The following NEURL1 variants were observed in gnomAD, a reference collection of about 807,000 sequenced individuals.
NEURL1 encodes the protein neuralized E3 ubiquitin protein ligase 1, also known as E3 ubiquitin-protein ligase NEURL1.
A neutral mutation model predicts 41.2 loss-of-function variants in NEURL1; 26 were observed. That is an observed-to-expected ratio of 0.63 (90% CI 0.46 to 0.87). The LOEUF is 0.87. Among genes scored for constraint, NEURL1 ranks in the 40% least tolerant of loss-of-function variants. The pLI, the probability that NEURL1 is intolerant of heterozygous loss-of-function variation, is 0.00. For synonymous variants in NEURL1, 400 were observed against 402.3 expected, an observed-to-expected ratio of 0.99 and a Z score of 0.07; for missense variants, 761 against 871.1, an observed-to-expected ratio of 0.87 and a Z score of 1.59.
At chr10:103,555,838 C>A (rs1356779850) in intron 1 of NEURL1, among the ~76,000 whole-genome samples, 1 of 152,214 alleles carries the variant, frequency 6.6e-6, no homozygotes, top group East Asian at 1.9e-4. Flanking sequence ...GCTGAGGGGA[C>A]CTGCTTGTCG....
At chr10:103,524,221 T>C (rs964859316) in intron 1 of NEURL1, among the ~76,000 whole-genome samples, 1 of 152,114 alleles carries the variant, frequency 6.6e-6, no homozygotes, top group Non-Finnish European at 1.5e-5. Context: ...TATATACTTG[T>C]TGGTTTTGTC....
Position 103,493,736 on chromosome 10 carries a change from T to C in NEURL1, c.-652T>C, listed in dbSNP as rs1190065225. On this transcript the variant is annotated 5_prime_UTR_variant, in exon 1 of 6. Transcript: ENST00000369780. ...TCATTCACCGGCGCAGCTGTCACCA[T>C]AACAACCGGAGCGAGGGAATCCTGG... Among the ~76,000 whole-genome samples the C allele has an allele frequency of 6.6e-6, 1 of 150,984 alleles. No individual in the cohort carries two copies. Among genetic ancestry groups the C allele is most frequent in the Non-Finnish European group, 1.5e-5 (1 of 67,568 alleles).
At chr10:103,517,810 G>A (rs1334055192) in intron 1 of NEURL1, among the ~76,000 whole-genome samples, 2 of 152,214 alleles carry the variant, frequency 1.3e-5, no homozygotes, top group Non-Finnish European at 2.9e-5. Context: ...TGGGCTCTGA[G>A]CCTTGCCCAG....
chr10:103,519,969 G>A (rs1034815973), intron 1 of NEURL1, among the ~76,000 whole-genome samples: 2 of 151,810 alleles, frequency 1.3e-5, no homozygotes, highest in African/African-American at 4.8e-5. Flanking sequence ...ATTTTTTTTA[G>A]AGATGGGTCT....
At chr10:103,533,316 G>A (rs1446336852) in intron 1 of NEURL1, among the ~76,000 whole-genome samples, 5 of 150,486 alleles carry the variant, frequency 3.3e-5, no homozygotes, top group African/African-American at 1.2e-4. Context: ...TGACTTTTTT[G>A]TTCTTATTTA....
chr10:103,583,691 G>A (rs1202870832), intron 3 of NEURL1, among the ~76,000 whole-genome samples: 4 of 93,050 alleles, frequency 4.3e-5, no homozygotes, highest in African/African-American at 1.8e-4. Flanking sequence ...GGGCCACAGA[G>A]CAAGATCCTG....
intron 1 of NEURL1, among the ~76,000 whole-genome samples, chr10:103,534,180 A>AT (rs35899711): frequency 0.58 from 79,955 of 138,478 alleles, 23,230 homozygotes; most frequent in East Asian, 0.8. Context: ...GTCTATCTGT[A>AT]TTTTTTTTTT....
chr10:103,558,389 C>T lies in NEURL1; in HGVS notation c.86-12483C>T, dbSNP rs944242381. On this transcript the variant is annotated intron_variant, in intron 1 of 5. Transcript: ENST00000369780. This position sits in a 1 kb window ranked among gnomAD's most constrained non-coding sequence, Gnocchi z 4.2. ...AGATGTGTATCTGTGTTTTAGATCT[C>T]TGTGTACCTGTGTGATGTGTCTCTA... is the stretch of plus-strand genomic sequence containing the variant. The T allele has an allele frequency of 6.5e-6, 2 of 306,586 alleles. No homozygotes were observed. The highest frequency in any genetic ancestry group is 1.7e-4 in the East Asian group (1 of 5,818). The allele number at this position is 306,586 out of a possible 1,614,324, so 19.0% of individuals were successfully genotyped here.
intron 4 of NEURL1, among the ~76,000 whole-genome samples, chr10:103,585,573 G>A (rs2035903322): frequency 6.6e-6 from 1 of 152,176 alleles, no homozygotes; most frequent in Non-Finnish European, 1.5e-5. Flanking sequence ...GGTGGCTCAC[G>A]CCTGTAATCT....
At position 103,546,401 on chromosome 10, in the gene NEURL1, C is replaced by A. The variant is rs189118211; in HGVS notation, c.86-24471C>A. On this transcript the variant is annotated intron_variant, in intron 1 of 5. Transcript: ENST00000369780. ...TTCTCTTTCTGTACAAAGGGATGAG[C>A]ATCTGTCCTGTGGTACCTGATAGGG... 1.3e-3 allele frequency among the ~76,000 whole-genome samples: 196 copies of A among 152,354 alleles called. 1 individual carries two copies. Among genetic ancestry groups the A allele is most frequent in the African/African-American group, 3.4e-3 (140 of 41,590 alleles).
At chr10:103,578,163 C>T (rs1218721282) in intron 3 of NEURL1, among the ~76,000 whole-genome samples, 1 of 152,220 alleles carries the variant, frequency 6.6e-6, no homozygotes, top group East Asian at 1.9e-4. Flanking sequence ...CTCTGTGCTT[C>T]AGCCTCCTCA....
intron 1 of NEURL1, chr10:103,549,261 C>T (rs975787976): frequency 1.3e-5 from 2 of 152,544 alleles, no homozygotes; most frequent in African/African-American, 2.4e-5. Context: ...CCCTTTCAGT[C>T]TCCACCCCTC....
At chr10:103,557,772 T>C (rs1339394428) in intron 1 of NEURL1, among the ~76,000 whole-genome samples, 1 of 152,272 alleles carries the variant, frequency 6.6e-6, no homozygotes, top group African/African-American at 2.4e-5. Flanking sequence ...GGAAATGAGC[T>C]GGGGCCAGCG....
Position 103,545,006 on chromosome 10 carries a change from C to G in NEURL1, c.86-25866C>G, listed in dbSNP as rs2133865350. The stretch of plus-strand genomic sequence containing the variant: ...TTCTCAATGATGACCCTGCACAGTC[C>G]TGGGGTCTCTGAAGGAAGTAATCCC... On this transcript the variant is annotated intron_variant, in intron 1 of 5. Transcript: ENST00000369780. The surrounding 1 kb of genome is among the most constrained non-coding windows in gnomAD (Gnocchi z 4.5). 6.6e-6 allele frequency among the ~76,000 whole-genome samples: 1 copy of G among 152,304 alleles called. No individual in the cohort carries two copies. The highest frequency in any genetic ancestry group is 2.4e-5 in the African/African-American group (1 of 41,574).
At chr10:103,584,413 G>T in intron 3 of NEURL1, 123 bp from the exon 4 acceptor site, 1 of 494,354 alleles carries the variant, frequency 2.0e-6, no homozygotes, top group Non-Finnish European at 3.2e-6. Flanking sequence ...TATGTCACAA[G>T]CATCGTGTGC....
Position 103,591,700 on chromosome 10 carries a change from CAGAGCCAT to C in NEURL1, c.*1334_*1341del, listed in dbSNP as rs2133888867. 1 of 152,354 alleles carries C rather than the reference CAGAGCCAT, an allele frequency of 6.6e-6. No individual in the cohort carries two copies. Among genetic ancestry groups the C allele is most frequent in the East Asian group, 1.9e-4 (1 of 5,184 alleles). The allele number at this position is 152,354 out of a possible 1,614,324, so 9.4% of individuals were successfully genotyped here. ...TAGTGCCCTGGGGCTGATGGTCACC[CAGAGCCAT>C]AGAGCACCCTTCCTCCTGGGCCAGA... On this transcript the variant is annotated 3_prime_UTR_variant, in exon 6 of 6. Coordinates refer to ENST00000369780, the MANE Select transcript of NEURL1 (RefSeq NM_004210.5).
At chr10:103,506,542 C>T (rs2033949356) in intron 1 of NEURL1, among the ~76,000 whole-genome samples, 1 of 151,912 alleles carries the variant, frequency 6.6e-6, no homozygotes, top group Non-Finnish European at 1.5e-5. Flanking sequence ...TCCTCCTCCT[C>T]CTCCTTCACG....
At chr10:103,530,970 C>T (rs2034558469) in intron 1 of NEURL1, among the ~76,000 whole-genome samples, 2 of 152,014 alleles carry the variant, frequency 1.3e-5, no homozygotes, top group Non-Finnish European at 2.9e-5. Context: ...TGCCTATAAT[C>T]CCAGCACTTT....
rs1175900214 is a variant in NEURL1, at chr10:103,571,487, C to A, written c.328-14C>A. 1 of 1,589,100 alleles carries A rather than the reference C, an allele frequency of 6.3e-7. No individual in the cohort carries two copies. Among genetic ancestry groups the A allele is most frequent in the East Asian group, 2.2e-5 (1 of 44,698 alleles). On this transcript the variant is annotated splice_polypyrimidine_tract_variant and intron_variant, in intron 2 of 5. Transcript: ENST00000369780. ...GTGGGAGAGGGTGGGCTGAGGCCAC[C>A]CCCTGCCACCCAGATCACCAAGAAG...
Sources: allele counts gnomAD v4.1 joint callset (sites outside exome capture counted in the v4.1 genomes callset), GRCh38; gene constraint gnomAD v4.1.1; non-coding constraint Gnocchi (gnomAD v3.1); transcripts MANE v1.5; gene names NCBI Gene and HGNC (gene_info 2026-07-23, HGNC 2026-07-21).